CTNNA3: variants seen among roughly 807,000 people sequenced by gnomAD.
The protein encoded by CTNNA3 is catenin alpha 3.
A neutral mutation model predicts 95.7 loss-of-function variants in CTNNA3; 76 were observed. The observed-to-expected ratio is 0.79, with a 90% CI of 0.66 to 0.96. CTNNA3 has a LOEUF of 0.96. Ranked by LOEUF, CTNNA3 falls within the 40% of genes least tolerant of loss-of-function variation. The pLI, the probability that CTNNA3 is intolerant of heterozygous loss-of-function variation, is 0.00. For missense variants in CTNNA3, 1,191 were observed against 1,089.8 expected (o/e 1.09, Z -1.31); for synonymous variants, 431 against 374.4 (o/e 1.15, Z -1.74).
intron 5 of CTNNA3, among the ~76,000 whole-genome samples, chr10:67,259,450 G>A (rs1300915744): frequency 6.6e-6 from 1 of 152,062 alleles, no homozygotes; most frequent in Non-Finnish European, 1.5e-5. Flanking sequence ...TAAAAGAGCT[G>A]AATACAATCT....
At chr10:66,197,919 C>T (rs191236563) in intron 13 of CTNNA3, among the ~76,000 whole-genome samples, 27 of 151,972 alleles carry the variant, frequency 1.8e-4, no homozygotes, top group African/African-American at 5.1e-4. Context: ...AAGTAACATA[C>T]GAGAGAAATA....
intron 5 of CTNNA3, among the ~76,000 whole-genome samples, chr10:67,258,644 G>A (rs920540563): frequency 6.6e-6 from 1 of 152,058 alleles, no homozygotes; most frequent in African/African-American, 2.4e-5. Flanking sequence ...CTTAAGTGAT[G>A]TCTGCTTTAT....
At chr10:66,427,161 G>C (rs538772585) in intron 11 of CTNNA3, among the ~76,000 whole-genome samples, 1 of 151,984 alleles carries the variant, frequency 6.6e-6, no homozygotes, top group Admixed American at 6.6e-5. Flanking sequence ...AGTGTGCTTT[G>C]CTCCAATATC....
chr10:66,604,536 C>T (rs2132267369), intron 10 of CTNNA3, among the ~76,000 whole-genome samples: 1 of 152,266 alleles, frequency 6.6e-6, no homozygotes, highest in South Asian at 2.1e-4. Context: ...AATGCTTTGG[C>T]TGACACCACC....
At chr10:67,025,604 C>T (rs933883473) in intron 7 of CTNNA3, among the ~76,000 whole-genome samples, 2 of 152,160 alleles carry the variant, frequency 1.3e-5, no homozygotes, top group African/African-American at 4.8e-5. Flanking sequence ...TTTTCTTTAA[C>T]CCCTGGAGGA....
At chr10:65,998,574 T>G (rs2078711674) in intron 15 of CTNNA3, among the ~76,000 whole-genome samples, 1 of 152,130 alleles carries the variant, frequency 6.6e-6, no homozygotes, top group African/African-American at 2.4e-5. Flanking sequence ...AGCAATTGTT[T>G]TGATGCTTCA....
chr10:67,087,655 GT>G (rs1185049945), intron 7 of CTNNA3, among the ~76,000 whole-genome samples: 1 of 151,954 alleles, frequency 6.6e-6, no homozygotes, highest in East Asian at 1.9e-4. Context: ...CATCATTAGT[GT>G]GGATTTCTGC....
At chr10:67,032,686 G>C (rs1414597014) in intron 7 of CTNNA3, among the ~76,000 whole-genome samples, 5 of 152,164 alleles carry the variant, frequency 3.3e-5, no homozygotes, top group Non-Finnish European at 7.4e-5. Context: ...TCTGTATCAT[G>C]TTTAAGGCTT....
At chr10:66,808,648 C>T (rs776735840) in intron 7 of CTNNA3, among the ~76,000 whole-genome samples, 27 of 152,130 alleles carry the variant, frequency 1.8e-4, no homozygotes, top group Non-Finnish European at 3.1e-4. Flanking sequence ...GATGATATCT[C>T]GTGCCATTCT....
intron 7 of CTNNA3, among the ~76,000 whole-genome samples, chr10:66,894,205 A>C (rs529928135): frequency 6.6e-6 from 1 of 152,216 alleles, no homozygotes; most frequent in African/African-American, 2.4e-5. Flanking sequence ...AATTAAAAAA[A>C]AGAAAGCTGA....
At chr10:67,655,050 G>A (rs369252248) in intron 1 of CTNNA3, among the ~76,000 whole-genome samples, 1 of 151,852 alleles carries the variant, frequency 6.6e-6, no homozygotes, top group East Asian at 1.9e-4. Flanking sequence ...ATTTATTATC[G>A]ACCTTCTCCC....
intron 13 of CTNNA3, among the ~76,000 whole-genome samples, chr10:66,192,770 C>G (rs2086750976): frequency 6.6e-6 from 1 of 152,012 alleles, no homozygotes; most frequent in South Asian, 2.1e-4. Flanking sequence ...TTACATTTCC[C>G]CAGCTTGGTA....
At chr10:66,554,361 T>C (rs1842325706) in intron 10 of CTNNA3, among the ~76,000 whole-genome samples, 1 of 152,186 alleles carries the variant, frequency 6.6e-6, no homozygotes, top group African/African-American at 2.4e-5. Context: ...CCTTGAAATT[T>C]TTTTAGACTC....
intron 7 of CTNNA3, among the ~76,000 whole-genome samples, chr10:66,847,829 T>C (rs1159249874): frequency 6.6e-6 from 1 of 152,162 alleles, no homozygotes; most frequent in Non-Finnish European, 1.5e-5. Flanking sequence ...TGTCACACTT[T>C]TCCACATACT....
chr10:67,088,951 A>C (rs1268604294), intron 7 of CTNNA3, among the ~76,000 whole-genome samples: 1 of 152,098 alleles, frequency 6.6e-6, no homozygotes, highest in Non-Finnish European at 1.5e-5. Flanking sequence ...AATTAAAATT[A>C]ATACGAATAG....
At chr10:67,727,035 TATATGATAC>T (rs1418129999) in intron 1 of CTNNA3, among the ~76,000 whole-genome samples, 1 of 113,996 alleles carries the variant, frequency 8.8e-6, no homozygotes, top group African/African-American at 3.7e-5. Flanking sequence ...TTATATATAA[TATATGATAC>T]ATATATGATA....
chr10:66,899,705 GTC>G (rs1564751815), intron 7 of CTNNA3, among the ~76,000 whole-genome samples: 1 of 152,142 alleles, frequency 6.6e-6, no homozygotes. Context: ...TCCCTCCCAT[GTC>G]TGGCTCAGCA....
At chr10:67,215,964 A>C (rs1322391164) in intron 6 of CTNNA3, among the ~76,000 whole-genome samples, 2 of 151,662 alleles carry the variant, frequency 1.3e-5, no homozygotes, top group Non-Finnish European at 2.9e-5. Flanking sequence ...TAATTTCCAT[A>C]ATTCAGTTAT....
chr10:66,227,613 A>T (rs1377936910), intron 13 of CTNNA3, among the ~76,000 whole-genome samples: 2 of 152,034 alleles, frequency 1.3e-5, no homozygotes, highest in African/African-American at 4.8e-5. Flanking sequence ...TGTTCATTCA[A>T]AATATTGGTC....
Sources: gnomAD v4.1 joint callset for allele counts (sites outside exome capture counted in the v4.1 genomes callset) on GRCh38, gnomAD v4.1.1 for gene constraint, MANE v1.5 for transcripts, NCBI Gene and HGNC (gene_info 2026-07-23, HGNC 2026-07-21) for gene names.